Variants in NRXN1 observed in about 807,000 individuals in gnomAD.
The protein encoded by NRXN1 is neurexin-1.
A neutral mutation model predicts 150.9 loss-of-function variants in NRXN1; 39 were observed. That is an observed-to-expected ratio of 0.26 (90% CI 0.20 to 0.34). NRXN1 has a LOEUF of 0.34. Among genes scored for constraint, NRXN1 ranks in the 10% least tolerant of loss-of-function variants. The pLI, the probability that NRXN1 is intolerant of heterozygous loss-of-function variation, is 1.00. For synonymous variants in NRXN1, 924 were observed against 757.0 expected (o/e 1.22, Z -3.62); for missense variants, 1,815 against 1,949.9 (o/e 0.93, Z 1.30).
chr2:50,055,137 A>G (rs1693399526), intron 19 of NRXN1, 93 bp from the exon 20 acceptor site: 1 of 800,896 alleles, frequency 1.2e-6, no homozygotes. Context: ...CAGTTGCCAC[A>G]TGATTTTTTG....
At chr2:49,929,291 A>T (rs1322154106) in intron 22 of NRXN1, among the ~76,000 whole-genome samples, 1 of 152,204 alleles carries the variant, frequency 6.6e-6, no homozygotes. Context: ...CTGAAGACAA[A>T]TAAACAGAGG....
At chr2:50,576,076 T>C (rs1313187730) in intron 8 of NRXN1, among the ~76,000 whole-genome samples, 1 of 152,280 alleles carries the variant, frequency 6.6e-6, no homozygotes, top group African/African-American at 2.4e-5. Flanking sequence ...TTATTACTAG[T>C]ATTTACCAGT....
intron 17 of NRXN1, among the ~76,000 whole-genome samples, chr2:50,455,839 A>T (rs1353839972): frequency 6.6e-6 from 1 of 152,180 alleles, no homozygotes; most frequent in Admixed American, 6.6e-5. Flanking sequence ...TGGCTGGGAT[A>T]TTTAGACATT....
intron 18 of NRXN1, among the ~76,000 whole-genome samples, chr2:50,103,621 C>T (rs7604009): frequency 0.6 from 91,743 of 151,836 alleles, 28,672 homozygotes; most frequent in African/African-American, 0.74. Flanking sequence ...GGCCAGGAAT[C>T]GTGAAGCCAA....
At chr2:50,273,337 T>G (rs1290854231) in intron 17 of NRXN1, among the ~76,000 whole-genome samples, 2 of 152,208 alleles carry the variant, frequency 1.3e-5, no homozygotes, top group Non-Finnish European at 2.9e-5. Flanking sequence ...AGGCCAAGCC[T>G]GCATTAAAGT....
intron 17 of NRXN1, among the ~76,000 whole-genome samples, chr2:50,293,611 G>A (rs564219399): frequency 3.9e-5 from 6 of 152,198 alleles, no homozygotes; most frequent in Admixed American, 2.0e-4. Context: ...ACTTTTCTTA[G>A]GAAGACATGA....
chr2:50,709,904 C>A (rs1358998454), intron 5 of NRXN1, among the ~76,000 whole-genome samples: 1 of 152,076 alleles, frequency 6.6e-6, no homozygotes, highest in South Asian at 2.1e-4. Flanking sequence ...AATGAAGGTC[C>A]TTTATTGGCC....
chr2:50,601,950 T>C (rs549192735), intron 8 of NRXN1, among the ~76,000 whole-genome samples: 6 of 152,154 alleles, frequency 3.9e-5, no homozygotes, highest in Non-Finnish European at 8.8e-5. Flanking sequence ...AGCTAAGAAA[T>C]ATACAGAAGC....
chr2:50,966,357 C>A (rs1377663992), intron 2 of NRXN1, among the ~76,000 whole-genome samples: 1 of 150,412 alleles, frequency 6.6e-6, no homozygotes, highest in East Asian at 1.9e-4. Flanking sequence ...AAAAAAAAAA[C>A]TCTAATAACA....
At chr2:50,219,380 T>TAGA (rs1242731797) in intron 18 of NRXN1, among the ~76,000 whole-genome samples, 1 of 150,482 alleles carries the variant, frequency 6.6e-6, no homozygotes, top group African/African-American at 2.4e-5. Context: ...AAAGAGCTCT[T>TAGA]AGACAGTCAG....
At chr2:50,852,890 C>G (rs1341758761) in intron 5 of NRXN1, among the ~76,000 whole-genome samples, 1 of 152,108 alleles carries the variant, frequency 6.6e-6, no homozygotes, top group Non-Finnish European at 1.5e-5. Flanking sequence ...AAATAGAGTC[C>G]TTTCCTCTTG....
At chr2:50,014,400 T>C (rs1298537015) in intron 21 of NRXN1, among the ~76,000 whole-genome samples, 2 of 152,138 alleles carry the variant, frequency 1.3e-5, no homozygotes, top group East Asian at 1.9e-4. Flanking sequence ...CATGATGCAA[T>C]TGACATTTAG....
At position 49,920,648 on chromosome 2, in the gene NRXN1, T is replaced by C. The variant is rs1323769834; in HGVS notation, c.*1296A>G. 1 of 152,470 alleles carries C rather than the reference T, an allele frequency of 6.6e-6. No homozygotes were observed. Among genetic ancestry groups the C allele is most frequent in the Non-Finnish European group, 1.5e-5 (1 of 68,074 alleles). The allele number at this position is 152,470 out of a possible 1,614,324, so 9.4% of individuals were successfully genotyped here. A position where few individuals can be genotyped will look rare whatever the true frequency, so the allele number is the denominator to read the frequency against. Reference sequence around the variant, plus strand: ...CAATTTGTCAATAAATATTTGCTACTGTATGCACGTTTGGATCTTCCAGCA... The same window carrying C: ...CAATTTGTCAATAAATATTTGCTACCGTATGCACGTTTGGATCTTCCAGCA... On this transcript the variant is annotated 3_prime_UTR_variant, in exon 23 of 23. Coordinates refer to ENST00000401669, the MANE Select transcript of NRXN1 (RefSeq NM_001330078.2).
chr2:50,112,387 C>G (rs1702489731), intron 18 of NRXN1, among the ~76,000 whole-genome samples: 1 of 152,198 alleles, frequency 6.6e-6, no homozygotes, highest in Non-Finnish European at 1.5e-5. Context: ...TGTCATTACA[C>G]CATCTTACTG....
intron 13 of NRXN1, among the ~76,000 whole-genome samples, chr2:50,503,478 T>C (rs569093196): frequency 2.0e-5 from 3 of 148,642 alleles, no homozygotes; most frequent in African/African-American, 7.5e-5. Context: ...TTATGAAGTA[T>C]TATAAAAACA....
intron 17 of NRXN1, among the ~76,000 whole-genome samples, chr2:50,320,327 T>C (rs1466680096): frequency 8.1e-6 from 1 of 123,626 alleles, no homozygotes; most frequent in Non-Finnish European, 1.7e-5. Flanking sequence ...TATATATATA[T>C]AGTATATGAT....
chr2:50,338,572 T>C (rs192586599), intron 17 of NRXN1, among the ~76,000 whole-genome samples: 90 of 152,238 alleles, frequency 5.9e-4, no homozygotes, highest in African/African-American at 2.1e-3. Context: ...CATAAAATGA[T>C]ATAGATGCAT....
At chr2:51,006,387 G>A (rs1014137101) in intron 2 of NRXN1, among the ~76,000 whole-genome samples, 7 of 143,464 alleles carry the variant, frequency 4.9e-5, no homozygotes, top group Non-Finnish European at 9.1e-5. Context: ...ACATACCGGG[G>A]ACTGTTGTGG....
intron 21 of NRXN1, chr2:49,966,712 G>C (rs1041144414): frequency 2.0e-5 from 3 of 152,062 alleles, no homozygotes; most frequent in Non-Finnish European, 4.4e-5. Context: ...TCTAAAATTA[G>C]ATAAGCTCCA....
Sources: allele counts gnomAD v4.1 joint callset (sites outside exome capture counted in the v4.1 genomes callset), GRCh38; gene constraint gnomAD v4.1.1; transcripts MANE v1.5; gene names NCBI Gene and HGNC (gene_info 2026-07-23, HGNC 2026-07-21).